The following CNTLN variants were observed in gnomAD, a reference collection of about 807,000 sequenced individuals.
The protein encoded by CNTLN is centlein, also known as centlein, centrosomal protein.
In CNTLN, 212 loss-of-function variants were observed where a neutral mutation model predicts 180.0. That is an observed-to-expected ratio of 1.18 (90% CI 1.05 to 1.32). The LOEUF (loss-of-function observed/expected upper bound fraction) is 1.32. CNTLN is among the 40% of genes most tolerant of loss of function. CNTLN has a pLI of 0.00. For missense variants in CNTLN, 2,095 were observed against 1,610.9 expected (o/e 1.30, Z -5.14); for synonymous variants, 722 against 563.1 (o/e 1.28, Z -3.99).
At chr9:17,150,142 C>T (rs1017141617) in intron 2 of CNTLN, among the ~76,000 whole-genome samples, 5 of 152,166 alleles carry the variant, frequency 3.3e-5, no homozygotes, top group African/African-American at 9.6e-5. Flanking sequence ...TGTGCAGAAG[C>T]TCTTTAGTTT....
At chr9:17,177,019 C>T (rs1218201774) in intron 2 of CNTLN, among the ~76,000 whole-genome samples, 4 of 152,050 alleles carry the variant, frequency 2.6e-5, no homozygotes, top group Middle Eastern at 3.2e-3. Context: ...CCAAAAAGTT[C>T]TTAGTTTCAT....
At chr9:17,512,446 CTTTATAGTG>C in the CNTLN span, among the ~76,000 whole-genome samples, 50 of 152,136 alleles carry the variant, frequency 3.3e-4, no homozygotes, top group Non-Finnish European at 6.6e-4. Flanking sequence ...CATGTTCTCA[CTTTATAGTG>C]GAAGCTAAAC....
At chr9:17,289,385 G>T (rs1158858398) in intron 6 of CNTLN, among the ~76,000 whole-genome samples, 1 of 107,960 alleles carries the variant, frequency 9.3e-6, no homozygotes, top group Non-Finnish European at 1.8e-5. Context: ...TCCGCTGTTA[G>T]TCTGATGGGC....
intron 2 of CNTLN, among the ~76,000 whole-genome samples, chr9:17,214,448 T>G (rs1823577876): frequency 6.6e-6 from 1 of 152,232 alleles, no homozygotes; most frequent in African/African-American, 2.4e-5. Context: ...GGGCTTCCCT[T>G]TGTGGGTAAC....
In CNTLN at chr9:17,332,728, A is replaced by G; in HGVS notation, c.1642A>G (p.Lys548Glu). Residue 548 changes from lysine to glutamate, a missense_variant and splice_region_variant, in exon 10 of 26, where the codon AAG becomes GAG. Coordinates refer to ENST00000380647, the MANE Select transcript of CNTLN (RefSeq NM_017738.4). ...AAACTTAGAGAAGGCACTACAACTA[A>G]AGGTGAACATTAAATCATTTCTTTA... ...IENLEKALQL[K>E]SQENDELRDA... 1 of 1,586,180 alleles carries G rather than the reference A, an allele frequency of 6.3e-7. No individual in the cohort carries two copies. Among genetic ancestry groups the G allele is most frequent in the Non-Finnish European group, 8.5e-7 (1 of 1,170,270 alleles).
intron 18 of CNTLN, among the ~76,000 whole-genome samples, chr9:17,432,841 A>G (rs2593416): frequency 0.87 from 132,404 of 151,844 alleles, 57,983 homozygotes; most frequent in Non-Finnish European, 0.91. Context: ...CCAACATAGC[A>G]AAACCCCGTC....
At chr9:17,389,098 T>C (rs1825904467) in intron 14 of CNTLN, among the ~76,000 whole-genome samples, 1 of 152,050 alleles carries the variant, frequency 6.6e-6, no homozygotes, top group Non-Finnish European at 1.5e-5. Context: ...TTATATATTG[T>C]TGCATCTCTG....
intron 8 of CNTLN, among the ~76,000 whole-genome samples, chr9:17,328,185 T>C (rs1820428924): frequency 6.6e-6 from 1 of 152,220 alleles, no homozygotes; most frequent in South Asian, 2.1e-4. Context: ...CTTTCCATTT[T>C]AGCCTTCAGC....
chr9:17,404,042 C>A (rs1827186797), intron 15 of CNTLN, among the ~76,000 whole-genome samples: 1 of 151,704 alleles, frequency 6.6e-6, no homozygotes, highest in Non-Finnish European at 1.5e-5. Flanking sequence ...TCCCAAAGTG[C>A]TGGAATTACA....
chr9:17,151,814 G>A (rs943006452), intron 2 of CNTLN, among the ~76,000 whole-genome samples: 1 of 152,014 alleles, frequency 6.6e-6, no homozygotes, highest in Non-Finnish European at 1.5e-5. Flanking sequence ...TTGGTAGGCT[G>A]TTAATTACTG....
rs1247745764 is a variant in CNTLN, at chr9:17,355,160, A to G, written c.1887-11457A>G. 2.6e-5 allele frequency among the ~76,000 whole-genome samples: 4 copies of G among 152,156 alleles called. No homozygotes were observed. In the East Asian group the frequency reaches 7.7e-4, roughly 29 times the overall value. ...ATTCTTGAAGTTAGTGAGACCAAGA[A>G]CCCACCAATTCCGGACACACTGGTT... is the stretch of plus-strand genomic sequence containing the variant. On this transcript the variant is annotated intron_variant, in intron 12 of 25. Coordinates refer to ENST00000380647, the MANE Select transcript of CNTLN (RefSeq NM_017738.4).
intron 7 of CNTLN, chr9:17,299,409 A>G: frequency 1.0e-6 from 1 of 957,206 alleles, no homozygotes; most frequent in African/African-American, 1.8e-5. Flanking sequence ...CACAGTTCAT[A>G]TTATCCCTCT....
intron 1 of CNTLN, among the ~76,000 whole-genome samples, chr9:17,141,927 C>G (rs975288268): frequency 2.0e-5 from 3 of 151,740 alleles, no homozygotes; most frequent in South Asian, 4.2e-4. Flanking sequence ...ACTAAAAATA[C>G]AAAAATTAGC....
intron 5 of CNTLN, among the ~76,000 whole-genome samples, chr9:17,266,549 T>G (rs1827463314): frequency 6.6e-6 from 1 of 152,146 alleles, no homozygotes; most frequent in Non-Finnish European, 1.5e-5. Flanking sequence ...AGATGTCTAT[T>G]AAGTCTGCTT....
chr9:17,221,669 A>G (rs79461794), intron 2 of CNTLN, among the ~76,000 whole-genome samples: 4,194 of 152,104 alleles, frequency 0.028, 201 homozygotes, highest in African/African-American at 0.095. Context: ...TAAATTTATG[A>G]CCACTAATTT....
intron 10 of CNTLN, among the ~76,000 whole-genome samples, chr9:17,335,941 A>AAC (rs1395203327): frequency 5.3e-5 from 8 of 151,786 alleles, no homozygotes; most frequent in Non-Finnish European, 1.0e-4. Context: ...CAAAAACAAA[A>AAC]ACAAAGTTAG....
At chr9:17,245,464 G>A (rs1302079688) in intron 5 of CNTLN, among the ~76,000 whole-genome samples, 1 of 147,828 alleles carries the variant, frequency 6.8e-6, no homozygotes, top group East Asian at 2.0e-4. Context: ...TCTGCTGTCA[G>A]TATCCTTTCT....
At chr9:17,251,252 T>A (rs1168912439) in intron 5 of CNTLN, among the ~76,000 whole-genome samples, 2 of 151,946 alleles carry the variant, frequency 1.3e-5, no homozygotes, top group Non-Finnish European at 2.9e-5. Flanking sequence ...TGATCTTACT[T>A]GGAGTTTATT....
intron 5 of CNTLN, among the ~76,000 whole-genome samples, chr9:17,237,081 A>G (rs1277139753): frequency 6.6e-6 from 1 of 152,002 alleles, no homozygotes; most frequent in Admixed American, 6.6e-5. Context: ...TTATGGGAAA[A>G]TTTTATTTTT....
Sources: gnomAD v4.1 joint callset for allele counts (sites outside exome capture counted in the v4.1 genomes callset) on GRCh38, gnomAD v4.1.1 for gene constraint, MANE v1.5 for transcripts, NCBI Gene and HGNC (gene_info 2026-07-23, HGNC 2026-07-21) for gene names.